The following HCN1 variants were observed in gnomAD, a reference collection of about 807,000 sequenced individuals.
HCN1 encodes the protein potassium/sodium hyperpolarization-activated cyclic nucleotide-gated channel 1.
A neutral mutation model predicts 78.9 loss-of-function variants in HCN1; 13 were observed. The observed-to-expected ratio is 0.16, with a 90% CI of 0.11 to 0.26. The LOEUF is 0.26. Among genes scored for constraint, HCN1 ranks in the 10% least tolerant of loss-of-function variants. HCN1 has a pLI of 1.00. For synonymous variants in HCN1, 552 were observed against 455.5 expected (o/e 1.21, Z -2.70); for missense variants, 810 against 1,154.3 (o/e 0.70, Z 4.32).
At chr5:45,346,040 T>C (rs992671378) in intron 5 of HCN1, among the ~76,000 whole-genome samples, 1 of 152,200 alleles carries the variant, frequency 6.6e-6, no homozygotes, top group African/African-American at 2.4e-5. Context: ...AACACGTCCT[T>C]CTTTGCTTGG....
At chr5:45,495,734 G>T (rs1218450945) in intron 2 of HCN1, among the ~76,000 whole-genome samples, 1 of 152,054 alleles carries the variant, frequency 6.6e-6, no homozygotes, top group African/African-American at 2.4e-5. Flanking sequence ...ATTGGCTGTG[G>T]GTTTGTCATA....
rs1741207668 is a variant in HCN1 at position 45,463,511 on chromosome 5, A to G, written c.850-1504T>C. On this transcript the variant is annotated intron_variant, in intron 2 of 7. Transcript: ENST00000303230. ...TTTTGATATTCAGACAGCTATACAC[A>G]CAACTTATTATATAGCATTAAGAAT... 2.0e-5 allele frequency among the ~76,000 whole-genome samples: 3 copies of G among 152,018 alleles called. No homozygotes were observed. In the South Asian group the frequency reaches 6.2e-4, roughly 31 times the overall value.
intron 1 of HCN1, among the ~76,000 whole-genome samples, chr5:45,664,581 T>A (rs1745995265): frequency 6.7e-6 from 1 of 149,622 alleles, no homozygotes; most frequent in Admixed American, 6.7e-5. Context: ...GAATCTACAA[T>A]GAACTCAAAC....
intron 5 of HCN1, among the ~76,000 whole-genome samples, chr5:45,349,310 G>A (rs1178309655): frequency 6.6e-6 from 1 of 152,152 alleles, no homozygotes; most frequent in South Asian, 2.1e-4. Context: ...AAATAAAGAT[G>A]TTCTTTGAAA....
chr5:45,409,053 T>C (rs1739979795), intron 3 of HCN1, among the ~76,000 whole-genome samples: 1 of 152,126 alleles, frequency 6.6e-6, no homozygotes, highest in Non-Finnish European at 1.5e-5. Context: ...CATTAGATTT[T>C]ATTTCTAGAT....
rs1033982844 is a variant in HCN1 at position 45,477,426 on chromosome 5, T to C, written c.850-15419A>G. 5.3e-5 allele frequency among the ~76,000 whole-genome samples: 8 copies of C among 152,254 alleles called. No individual in the cohort carries two copies. In the East Asian group the frequency reaches 1.4e-3, roughly 26 times the overall value. On this transcript the variant is annotated intron_variant, in intron 2 of 7. Transcript: ENST00000303230. ...GAGAAATAATAGATAAAAGCCAGTA[T>C]GAGCACTTTTAAAGTCAAAGGCAGG... is the stretch of plus-strand genomic sequence containing the variant.
intron 5 of HCN1, among the ~76,000 whole-genome samples, chr5:45,329,574 A>G (rs1350083952): frequency 6.6e-6 from 1 of 151,532 alleles, no homozygotes; most frequent in East Asian, 1.9e-4. Flanking sequence ...CATATTGTAC[A>G]TAAGAGATGG....
chr5:45,287,356 A>G (rs1245736535), intron 6 of HCN1, among the ~76,000 whole-genome samples: 3 of 152,034 alleles, frequency 2.0e-5, no homozygotes, highest in African/African-American at 7.2e-5. Flanking sequence ...CTAAATTTAC[A>G]AAAATGTTTA....
chr5:45,504,774 T>A (rs1742264784), intron 2 of HCN1, among the ~76,000 whole-genome samples: 1 of 152,198 alleles, frequency 6.6e-6, no homozygotes, highest in Non-Finnish European at 1.5e-5. Flanking sequence ...GTTTCCTGAC[T>A]TTTTAATGAT....
At chr5:45,533,923 T>C (rs1033400667) in intron 2 of HCN1, among the ~76,000 whole-genome samples, 11 of 152,164 alleles carry the variant, frequency 7.2e-5, no homozygotes, top group Non-Finnish European at 2.9e-5. Flanking sequence ...CTCGAAGCCA[T>C]CTGCTAAGTG....
At chr5:45,328,216 G>T (rs1181511838) in intron 5 of HCN1, among the ~76,000 whole-genome samples, 2 of 151,116 alleles carry the variant, frequency 1.3e-5, no homozygotes, top group Non-Finnish European at 1.5e-5. Flanking sequence ...CATGATTGTG[G>T]CTGTAACTGT....
At chr5:45,631,545 CATG>C (rs1745270153) in intron 2 of HCN1, among the ~76,000 whole-genome samples, 1 of 151,870 alleles carries the variant, frequency 6.6e-6, no homozygotes, top group African/African-American at 2.4e-5. Flanking sequence ...TTTTTGCCTG[CATG>C]ATAACATTCC....
intron 1 of HCN1, among the ~76,000 whole-genome samples, chr5:45,672,193 C>G (rs766058534): frequency 6.6e-5 from 10 of 151,538 alleles, no homozygotes; most frequent in Non-Finnish European, 1.2e-4. Flanking sequence ...GTGCCTAAAG[C>G]AAAATGTGAA....
intron 6 of HCN1, among the ~76,000 whole-genome samples, chr5:45,291,214 C>G (rs1745366022): frequency 1.3e-5 from 2 of 152,154 alleles, no homozygotes; most frequent in South Asian, 4.1e-4. Context: ...AATAACTTTT[C>G]TCTCTCATAT....
chr5:45,498,975 A>G (rs1486212330), intron 2 of HCN1, among the ~76,000 whole-genome samples: 1 of 151,540 alleles, frequency 6.6e-6, no homozygotes, highest in Admixed American at 6.6e-5. Flanking sequence ...GAGAACCACT[A>G]CTCTTCTTCA....
At chr5:45,526,709 G>A (rs1372146819) in intron 2 of HCN1, among the ~76,000 whole-genome samples, 1 of 151,980 alleles carries the variant, frequency 6.6e-6, no homozygotes, top group East Asian at 1.9e-4. Flanking sequence ...TCCTTCTCCT[G>A]GGGCCTAGAG....
At chr5:45,459,442 A>G (rs1034478123) in intron 3 of HCN1, among the ~76,000 whole-genome samples, 2 of 150,636 alleles carry the variant, frequency 1.3e-5, no homozygotes, top group African/African-American at 2.4e-5. Context: ...CAAATTCTGG[A>G]AAGATATTTT....
In HCN1 at chr5:45,297,142, T is replaced by G. The variant is rs989349069; in HGVS notation, c.1618+6457A>C. ...GTCATTAGCATTGTTTCTATAGATA[T>G]TAAATTAACTAAAAGTATCTCTTAT... is the stretch of plus-strand genomic sequence containing the variant. On this transcript the variant is annotated intron_variant, in intron 6 of 7. Transcript: ENST00000303230. Among the ~76,000 whole-genome samples, 6 of 152,056 alleles carry G rather than the reference T, an allele frequency of 3.9e-5. No individual in the cohort carries two copies. In the East Asian group the frequency reaches 1.2e-3, roughly 29 times the overall value.
At chr5:45,352,820 A>G (rs1445138186) in intron 5 of HCN1, among the ~76,000 whole-genome samples, 2 of 152,034 alleles carry the variant, frequency 1.3e-5, no homozygotes, top group Admixed American at 1.3e-4. Context: ...GAGGGGGAGA[A>G]AAATGGGGAC....
Sources: gnomAD v4.1 joint callset for allele counts (sites outside exome capture counted in the v4.1 genomes callset) on GRCh38, gnomAD v4.1.1 for gene constraint, MANE v1.5 for transcripts, NCBI Gene and HGNC (gene_info 2026-07-23, HGNC 2026-07-21) for gene names.